The following ATAD3B variants were observed in gnomAD, a reference collection of about 807,000 sequenced individuals.
ATAD3B encodes ATPase family AAA domain-containing protein 3B.
Under a neutral mutation model 70.2 loss-of-function variants are expected in ATAD3B, and 59 were observed. The ratio of observed to expected loss-of-function variants is 0.84; its 90% CI spans 0.68 to 1.04. The LOEUF is 1.04. Ranked by LOEUF, ATAD3B falls within the 50% of genes least tolerant of loss-of-function variation. The pLI is 0.00. For missense variants in ATAD3B, 961 were observed against 913.4 expected, an observed-to-expected ratio of 1.05 and a Z score of -0.67; for synonymous variants, 423 against 388.6, an observed-to-expected ratio of 1.09 and a Z score of -1.04.
chr1:1,480,623 C>A (rs914949163), intron 4 of ATAD3B, among the ~76,000 whole-genome samples: 3 of 147,306 alleles, frequency 2.0e-5, no homozygotes, highest in African/African-American at 5.1e-5. Flanking sequence ...TGGCCCTTGT[C>A]AGGGAAGCCA....
chr1:1,483,057 G>A (rs1190391392), intron 7 of ATAD3B: 2 of 455,404 alleles, frequency 4.4e-6, no homozygotes, highest in Non-Finnish European at 4.4e-6. Flanking sequence ...CATTTTCGGA[G>A]GCGGAGGTGG....
intron 8 of ATAD3B, among the ~76,000 whole-genome samples, chr1:1,485,569 GA>G (rs1425721406): frequency 6.6e-6 from 1 of 152,098 alleles, no homozygotes; most frequent in Admixed American, 6.6e-5. Context: ...AGGTGGTTAA[GA>G]AAATAAAAGC....
chr1:1,485,830 G>T lies in ATAD3B; in HGVS notation c.955G>T (p.Val319Leu), dbSNP rs904580364. 1.2e-6 allele frequency: 2 copies of T among 1,612,982 alleles called. No homozygotes were observed. The highest frequency in any genetic ancestry group is 2.7e-5 in the African/African-American group (2 of 74,854). The change falls in exon 9 of 16, where the codon GTG (valine) becomes TTG (leucine). Residue 319 changes from valine to leucine, a missense_variant. Val to Leu is a conservative substitution (Grantham distance 32). Around this residue, in one of 4 missense-constraint regions of ATAD3B, gnomAD observed 349 missense variants for 307.5 expected, o/e 1.14. Coordinates refer to ENST00000673477, the MANE Select transcript of ATAD3B (RefSeq NM_031921.6). ...SRPQDVLEGV[V>L]LSPSLEARVR... ...ACCCCAGGACGTGCTGGAGGGTGTT[G>T]TGCTTAGTGTAAGTCGGTGTGCCTG... is the stretch of plus-strand genomic sequence containing the variant.
chr1:1,503,271 A>T, the ATAD3B span: 1 of 306,116 alleles, frequency 3.3e-6, no homozygotes, highest in South Asian at 4.9e-5. Flanking sequence ...TAAAATGGAC[A>T]CTTTACCCAT....
At chr1:1,485,728 T>C in intron 8 of ATAD3B, 54 bp from the exon 9 acceptor site, 1 of 1,609,164 alleles carries the variant, frequency 6.2e-7, no homozygotes, top group Non-Finnish European at 8.5e-7. Context: ...CGTTGGTGGC[T>C]GTTCCGTGGC....
chr1:1,478,264 TG>T, intron 2 of ATAD3B: 1 of 704,130 alleles, frequency 1.4e-6, no homozygotes, highest in Non-Finnish European at 2.2e-6. Context: ...CACAAAGTGC[TG>T]GGATTATAGG....
the ATAD3B span, among the ~76,000 whole-genome samples, chr1:1,506,918 G>T: frequency 1.8e-4 from 27 of 151,846 alleles, no homozygotes; most frequent in Non-Finnish European, 3.1e-4. Flanking sequence ...CTCCTGAGTA[G>T]CTGGGAATAC....
chr1:1,493,602 C>T (rs2100600185), intron 15 of ATAD3B, among the ~76,000 whole-genome samples: 1 of 151,848 alleles, frequency 6.6e-6, no homozygotes, highest in South Asian at 2.1e-4. Flanking sequence ...CAGGTGTGAG[C>T]CACTGCAACC....
Position 1,485,267 on chromosome 1 carries a change from C to T in ATAD3B, c.906+96C>T, listed in dbSNP as rs956201332. 8 of 1,526,684 alleles carry T rather than the reference C, an allele frequency of 5.2e-6. No individual in the cohort carries two copies. The African/African-American group carries it at 8.2e-5, about 16-fold the overall frequency. 94.6% of individuals were successfully genotyped at this position (1,526,684 alleles called of 1,614,324 possible). A position where few individuals can be genotyped will look rare whatever the true frequency, so the allele number is the denominator to read the frequency against. ...CCACGCACACCCTCCCGTCCCTTCC[C>T]TTTCCCCGGATAACAGGCACCCGCA... On this transcript the variant is annotated intron_variant, in intron 8 of 15. Transcript: ENST00000673477.
At chr1:1,499,710 C>T (rs1272726978), downstream of ATAD3B, among the ~76,000 whole-genome samples, 1 of 149,400 alleles carries the variant, frequency 6.7e-6, no homozygotes, top group Admixed American at 6.7e-5. Flanking sequence ...TCTCCTTCCT[C>T]AGCCTTCCCA....
chr1:1,489,920 G>A (rs1640439974), intron 13 of ATAD3B: 1 of 1,229,428 alleles, frequency 8.1e-7, no homozygotes, highest in Non-Finnish European at 1.0e-6. Context: ...GGGACTCTGG[G>A]TCCCGCATCC....
downstream of ATAD3B, among the ~76,000 whole-genome samples, chr1:1,501,483 C>G (rs532464371): frequency 1.2e-3 from 177 of 152,258 alleles, 1 homozygote; most frequent in Non-Finnish European, 2.1e-3. Flanking sequence ...TCTCGATCTC[C>G]TGACTTCGTG....
intron 1 of ATAD3B, 55 bp from the exon 2 acceptor site, chr1:1,477,219 A>G: frequency 6.2e-7 from 1 of 1,601,042 alleles, no homozygotes; most frequent in Non-Finnish European, 8.5e-7. Flanking sequence ...CATGTTGGCC[A>G]GGCTTTGGTA....
chr1:1,482,423 G>A, intron 6 of ATAD3B, 120 bp downstream of exon 6: 2 of 1,586,962 alleles, frequency 1.3e-6, no homozygotes, highest in Non-Finnish European at 1.7e-6. Context: ...CCTTGGTGGG[G>A]GCACTGCCCC....
At chr1:1,490,068 T>C (rs916187725) in intron 13 of ATAD3B, 189 bp from the exon 14 acceptor site, 1 of 1,417,758 alleles carries the variant, frequency 7.1e-7, no homozygotes, top group Non-Finnish European at 9.2e-7. Context: ...GGGGGGCAGC[T>C]GGGCGTGGTG....
chr1:1,479,946 GCA>G (rs1427218494), intron 4 of ATAD3B, among the ~76,000 whole-genome samples: 1 of 137,084 alleles, frequency 7.3e-6, no homozygotes, highest in African/African-American at 2.8e-5. Flanking sequence ...ACACCCACCT[GCA>G]CACACGGGCA....
intron 1 of ATAD3B, among the ~76,000 whole-genome samples, chr1:1,476,544 T>C (rs1639598336): frequency 6.6e-6 from 1 of 151,792 alleles, no homozygotes; most frequent in Admixed American, 6.6e-5. Flanking sequence ...GGACTCTTGC[T>C]GTCTCCCCCG....
intron 1 of ATAD3B, among the ~76,000 whole-genome samples, chr1:1,475,991 C>A (rs562195476): frequency 2.7e-5 from 4 of 149,604 alleles, no homozygotes; most frequent in Non-Finnish European, 4.4e-5. Context: ...TGGCAGGACC[C>A]TGGGGGACTG....
In ATAD3B at chr1:1,495,460, C is replaced by T. The variant is rs1640734884; in HGVS notation, c.1615-25C>T. 3 of 1,576,782 alleles carry T rather than the reference C, an allele frequency of 1.9e-6. No homozygotes were observed. The South Asian group carries it at 3.5e-5, about 18-fold the overall frequency. On this transcript the variant is annotated intron_variant, in intron 15 of 15. Transcript: ENST00000673477. Reference sequence around the variant, plus strand: ...GGTGGCGGGTTCCCATAGCGGCCTCCCTCAGCTCCCTCTCTCTTCACTAGG... The same window carrying T: ...GGTGGCGGGTTCCCATAGCGGCCTCTCTCAGCTCCCTCTCTCTTCACTAGG...
Sources: gnomAD v4.1 joint callset for allele counts (sites outside exome capture counted in the v4.1 genomes callset) on GRCh38, gnomAD v4.1.1 for gene constraint, gnomAD v4.1.1 regional missense constraint, MANE v1.5 for transcripts, NCBI Gene and HGNC (gene_info 2026-07-23, HGNC 2026-07-21) for gene names.